Variants in TRPM3 observed in about 807,000 individuals in gnomAD.
TRPM3 encodes long transient receptor potential channel 3.
TRPM3 carries 77 observed loss-of-function variants against 181.2 expected under a neutral mutation model. The ratio of observed to expected loss-of-function variants is 0.42; its 90% CI spans 0.35 to 0.51. TRPM3 has a LOEUF of 0.51. Among genes scored for constraint, TRPM3 ranks in the 20% least tolerant of loss-of-function variants. TRPM3 has a pLI of 0.01. For missense variants in TRPM3, 1,759 were observed against 2,196.7 expected (o/e 0.80, Z 3.98); for synonymous variants, 745 against 796.4 (o/e 0.94, Z 1.09).
Position 70,552,983 on chromosome 9 carries a change from C to T in TRPM3, c.3435G>A (p.Gln1145=). 6.2e-7 allele frequency: 1 copy of T among 1,614,130 alleles called. No homozygotes were observed. Among genetic ancestry groups the T allele is most frequent in the Non-Finnish European group, 8.5e-7 (1 of 1,180,014 alleles). The part of the protein sequence containing the change: ...SNQVWKFQRY[Q]LIMTFHERPV... ...GCCTTTCATGGAAAGTCATGATGAG[C>T]TGATACCTCTGAAACTTCCAGACTT... Residue 1145 remains glutamine, a synonymous_variant, in exon 24 of 26, where the codon CAG becomes CAA. Coordinates refer to ENST00000677713, the MANE Select transcript of TRPM3 (RefSeq NM_001366145.2).
intron 1 of TRPM3, among the ~76,000 whole-genome samples, chr9:71,279,058 AAAAT>A (rs2084476530): frequency 1.3e-5 from 2 of 149,146 alleles, no homozygotes; most frequent in African/African-American, 2.5e-5. Context: ...AATAAAAATA[AAAAT>A]AAAAAAACCA....
At position 70,549,580 on chromosome 9, in the gene TRPM3, G is replaced by A. The variant is rs770094803; in HGVS notation, c.3669C>T (p.Asn1223=). 3.1e-6 allele frequency: 5 copies of A among 1,613,624 alleles called. No individual in the cohort carries two copies. The Admixed American group carries it at 6.7e-5, about 22-fold the overall frequency. ...CCCGTATCCTCTCATCATTAGATGA[G>A]TTGAACCGATCATCCTTTTCTCTGA... ...EYFREKDDRF[N]SSNDERIRVT... The change falls in exon 25 of 26, where the codon AAC becomes AAT. Residue 1223 remains asparagine (N), a synonymous_variant. Transcript: ENST00000677713.
chr9:71,278,924 G>C (rs1449656343), intron 1 of TRPM3, among the ~76,000 whole-genome samples: 3 of 151,920 alleles, frequency 2.0e-5, no homozygotes, highest in African/African-American at 7.3e-5. Flanking sequence ...CCGCTACAAT[G>C]ATAATCAAAG....
chr9:70,679,208 G>A (rs2064805660), intron 9 of TRPM3, among the ~76,000 whole-genome samples: 1 of 152,060 alleles, frequency 6.6e-6, no homozygotes, highest in Non-Finnish European at 1.5e-5. Context: ...ATTGCATATT[G>A]CAATTGCATA....
intron 1 of TRPM3, among the ~76,000 whole-genome samples, chr9:71,419,888 G>T (rs1172385622): frequency 2.6e-5 from 4 of 151,620 alleles, no homozygotes; most frequent in African/African-American, 9.7e-5. Context: ...TCTTACCTTG[G>T]TTCAGATACA....
At chr9:70,620,389 AGACT>A (rs751692733) in intron 15 of TRPM3, 24 bp from the exon 16 acceptor site, 9 of 1,584,614 alleles carry the variant, frequency 5.7e-6, no homozygotes, top group Non-Finnish European at 7.7e-6. Flanking sequence ...GAAACCACAC[AGACT>A]GAGTTAGAAA....
At chr9:71,012,049 C>T (rs1463854327) in intron 1 of TRPM3, among the ~76,000 whole-genome samples, 1 of 152,054 alleles carries the variant, frequency 6.6e-6, no homozygotes, top group Non-Finnish European at 1.5e-5. Flanking sequence ...TCTCAAAGTG[C>T]TGGGATTACA....
chr9:71,438,507 A>C (rs929980702), intron 1 of TRPM3, among the ~76,000 whole-genome samples: 7 of 37,908 alleles, frequency 1.8e-4, no homozygotes, highest in African/African-American at 2.5e-4. Flanking sequence ...CCTTCTCTAC[A>C]AAAAAAAATA....
At chr9:71,301,906 CAT>C (rs935350489) in intron 1 of TRPM3, among the ~76,000 whole-genome samples, 7 of 152,112 alleles carry the variant, frequency 4.6e-5, no homozygotes, top group South Asian at 2.1e-4. Flanking sequence ...TCTGTGGAAA[CAT>C]GGATTTACCC....
intron 1 of TRPM3, among the ~76,000 whole-genome samples, chr9:71,165,429 A>T (rs2076492387): frequency 1.3e-5 from 2 of 152,160 alleles, no homozygotes; most frequent in Admixed American, 6.6e-5. Context: ...GTAGCTTAAC[A>T]TCCATAGAAG....
chr9:71,309,696 A>T (rs538747949), intron 1 of TRPM3, among the ~76,000 whole-genome samples: 1 of 152,244 alleles, frequency 6.6e-6, no homozygotes, highest in South Asian at 2.1e-4. Flanking sequence ...TGATTTCATT[A>T]TTTCCATTTT....
At position 71,181,201 on chromosome 9, in the gene TRPM3, T is replaced by C. The variant is rs193080494; in HGVS notation, c.183+265452A>G. 3.9e-5 allele frequency among the ~76,000 whole-genome samples: 6 copies of C among 152,254 alleles called. 1 individual carries two copies. In the East Asian group the frequency reaches 9.6e-4, roughly 24 times the overall value. ...TCACACTCACTCGCCATTTGAACTG[T>C]CTGTCCATGTTCACTTTTAAATTGT... is the stretch of plus-strand genomic sequence containing the variant. On this transcript the variant is annotated intron_variant, in intron 1 of 24. Transcript: ENST00000357533.
In TRPM3 at chr9:70,535,994, T is replaced by G; in HGVS notation, c.5119A>C (p.Arg1707=). The G allele has an allele frequency of 6.2e-7, 1 of 1,612,786 alleles. No individual in the cohort carries two copies. Among genetic ancestry groups the G allele is most frequent in the East Asian group, 2.2e-5 (1 of 44,874 alleles). The change falls in exon 26 of 26, where the codon AGA becomes CGA. Residue 1707 remains arginine, a synonymous_variant. Transcript: ENST00000677713. ...GDSLSMRRLS[R]TSAFQSFESK... is the part of the protein sequence containing the mutation. Reference sequence around the variant, plus strand: ...TCAAAGCTTTGGAAAGCCGATGTTCTGGACAGTCTCCTCATGGACAGGCTG... The same window carrying G: ...TCAAAGCTTTGGAAAGCCGATGTTCGGGACAGTCTCCTCATGGACAGGCTG...
intron 1 of TRPM3, among the ~76,000 whole-genome samples, chr9:71,189,411 G>A (rs1187494806): frequency 6.6e-6 from 1 of 151,676 alleles, no homozygotes; most frequent in Non-Finnish European, 1.5e-5. Flanking sequence ...TACAATACTG[G>A]GTACTAACAC....
At position 70,610,686 on chromosome 9, in the gene TRPM3, T is replaced by G. The variant is rs2061874601; in HGVS notation, c.2590A>C (p.Lys864Gln). 2 of 1,614,202 alleles carry G rather than the reference T, an allele frequency of 1.2e-6. No individual in the cohort carries two copies. Residue 864 changes from lysine (K) to glutamine (Q), a missense_variant, in exon 19 of 26, where the codon AAG becomes CAG. Lys to Gln is a moderately conservative substitution (Grantham distance 53, BLOSUM62 1). This residue lies in a region of TRPM3 where 114 missense variants were observed against 134.8 expected (regional missense o/e 0.85). Transcript: ENST00000677713. Reference protein sequence around the residue: ...RKKDEEEVQSKHRLIPLGRKI... With the variant: ...RKKDEEEVQSQHRLIPLGRKI... The stretch of plus-strand genomic sequence containing the variant: ...CTGCCGAGGGGGATTAACCGGTGCT[T>G]GCTCTGAACTTCCTCTTCATCCTTC...
intron 8 of TRPM3, among the ~76,000 whole-genome samples, chr9:70,696,020 G>A (rs1242285861): frequency 6.6e-6 from 1 of 152,148 alleles, no homozygotes; most frequent in Non-Finnish European, 1.5e-5. Context: ...AGAGACTCAC[G>A]TACAAGCAAA....
At chr9:70,696,644 C>T (rs550583164) in intron 8 of TRPM3, among the ~76,000 whole-genome samples, 1 of 152,314 alleles carries the variant, frequency 6.6e-6, no homozygotes, top group East Asian at 1.9e-4. Flanking sequence ...GAAGGACACG[C>T]AGGGCCAATG....
chr9:70,604,387 T>C (rs753144753), intron 19 of TRPM3, among the ~76,000 whole-genome samples: 1 of 152,164 alleles, frequency 6.6e-6, no homozygotes, highest in Non-Finnish European at 1.5e-5. Flanking sequence ...GGGCCTTCCT[T>C]ACACAATGCC....
chr9:70,977,414 G>A (rs1462937615), intron 1 of TRPM3, among the ~76,000 whole-genome samples: 4 of 152,210 alleles, frequency 2.6e-5, no homozygotes, highest in East Asian at 1.9e-4. Flanking sequence ...GATTACAGGC[G>A]TGAGCCACCA....
Sources: allele counts gnomAD v4.1 joint callset (sites outside exome capture counted in the v4.1 genomes callset), GRCh38; gene constraint gnomAD v4.1.1; regional missense constraint gnomAD v4.1.1; transcripts MANE v1.5; gene names NCBI Gene and HGNC (gene_info 2026-07-23, HGNC 2026-07-21).